TPR: variants seen among roughly 807,000 people sequenced by gnomAD.
TPR encodes the protein nucleoprotein TPR.
Under a neutral mutation model 316.1 loss-of-function variants are expected in TPR, and 51 were observed. The ratio of observed to expected loss-of-function variants is 0.16; its 90% CI spans 0.13 to 0.20. The LOEUF (loss-of-function observed/expected upper bound fraction) is 0.20. Ranked by LOEUF, TPR falls within the 10% of genes least tolerant of loss-of-function variation. TPR has a pLI of 1.00. For synonymous variants in TPR, 981 were observed against 914.7 expected, an observed-to-expected ratio of 1.07 and a Z score of -1.31; for missense variants, 2,272 against 2,754.8, an observed-to-expected ratio of 0.82 and a Z score of 3.92.
At chr1:186,354,303 A>C (rs1658957902) in intron 17 of TPR, among the ~76,000 whole-genome samples, 1 of 152,224 alleles carries the variant, frequency 6.6e-6, no homozygotes, top group East Asian at 1.9e-4. Context: ...ATTTTTAAAA[A>C]ATCAATTATA....
chr1:186,320,184 A>G, intron 46 of TPR, 128 bp downstream of exon 46: 1 of 818,322 alleles, frequency 1.2e-6, no homozygotes, highest in African/African-American at 1.7e-5. Flanking sequence ...ATTTAAAAAA[A>G]TAAATTAGCA....
chr1:186,356,854 G>A (rs976946111), intron 14 of TPR, among the ~76,000 whole-genome samples: 4 of 152,044 alleles, frequency 2.6e-5, no homozygotes, highest in African/African-American at 4.8e-5. Flanking sequence ...GTCCTCTACC[G>A]CTATGATCCC....
At chr1:186,322,936 T>C (rs955764870) in intron 43 of TPR, among the ~76,000 whole-genome samples, 3 of 152,246 alleles carry the variant, frequency 2.0e-5, no homozygotes, top group Non-Finnish European at 4.4e-5. Context: ...AACAGCAGTA[T>C]TGTTTTTTAA....
At position 186,326,295 on chromosome 1, in the gene TPR, T is replaced by C. The variant is rs932428499; in HGVS notation, c.5890-60A>G. 1.6e-5 allele frequency: 25 copies of C among 1,545,030 alleles called. No homozygotes were observed. The African/African-American group carries it at 3.2e-4, about 20-fold the overall frequency. The stretch of plus-strand genomic sequence containing the variant: ...TAGAATATGGCCCACATGCTCTGCA[T>C]GTCTAGATACCACACTTAGAAATTT... On this transcript the variant is annotated intron_variant, in intron 40 of 50. Transcript: ENST00000367478.
chr1:186,353,140 A>C (rs1571627139), intron 18 of TPR, among the ~76,000 whole-genome samples: 1 of 152,328 alleles, frequency 6.6e-6, no homozygotes, highest in East Asian at 1.9e-4. Flanking sequence ...TGGGAGGCTA[A>C]GGCGGGCAAA....
intron 2 of TPR, 81 bp from the exon 3 acceptor site, chr1:186,371,124 C>A (rs1031104293): frequency 8.7e-6 from 9 of 1,038,894 alleles, no homozygotes; most frequent in South Asian, 1.4e-5. Flanking sequence ...GCCAACCTTA[C>A]ATATTTTAAT....
intron 36 of TPR, among the ~76,000 whole-genome samples, chr1:186,334,009 A>G (rs1271739281): frequency 6.6e-6 from 1 of 152,184 alleles, no homozygotes; most frequent in Non-Finnish European, 1.5e-5. Flanking sequence ...ACAAAGTTGT[A>G]ATTGCTGTAA....
intron 29 of TPR, among the ~76,000 whole-genome samples, chr1:186,340,749 G>A (rs1371876425): frequency 6.6e-6 from 1 of 151,846 alleles, no homozygotes; most frequent in Non-Finnish European, 1.5e-5. Context: ...CTATTTTCAT[G>A]TATAAAAATA....
At position 186,337,481 on chromosome 1, in the gene TPR, C is replaced by T. The variant is rs112053545; in HGVS notation, c.4363-325G>A. ...ATATAATATTATTTCTTTGGAAAAA[C>T]GTCGCTTACATGTATGAAAAGGGAT... On this transcript the variant is annotated intron_variant, in intron 31 of 50. Coordinates refer to ENST00000367478, the MANE Select transcript of TPR (RefSeq NM_003292.3). 5.3e-5 allele frequency among the ~76,000 whole-genome samples: 8 copies of T among 152,036 alleles called. 2 individuals carry two copies. The highest frequency in any genetic ancestry group is 1.9e-4 in the African/African-American group (8 of 41,468).
chr1:186,371,556 T>C (rs1179749350), intron 2 of TPR, among the ~76,000 whole-genome samples: 2 of 152,174 alleles, frequency 1.3e-5, no homozygotes, highest in African/African-American at 2.4e-5. Flanking sequence ...AATCTCTCAA[T>C]TGCCACTCAA....
chr1:186,339,782 C>A lies in TPR; in HGVS notation c.4021-10G>T. 6.4e-7 allele frequency: 1 copy of A among 1,554,100 alleles called. No individual in the cohort carries two copies. Among genetic ancestry groups the A allele is most frequent in the Non-Finnish European group, 8.7e-7 (1 of 1,156,050 alleles). On this transcript the variant is annotated splice_polypyrimidine_tract_variant and intron_variant, in intron 29 of 50. Transcript: ENST00000367478. ...GTTGACTTACTAGATGCTAGAATAACAAAAATGCATACTTGATTTTTTTAG... is the reference window on the plus strand; with the variant it reads ...GTTGACTTACTAGATGCTAGAATAAAAAAAATGCATACTTGATTTTTTTAG...
chr1:186,357,078 C>T (rs6689129), intron 14 of TPR, among the ~76,000 whole-genome samples: 28,443 of 151,956 alleles, frequency 0.19, 3,023 homozygotes, highest in African/African-American at 0.29. Context: ...CAGGGTCTTA[C>T]CCTGTCGTCC....
rs1402863625 is a variant in TPR at position 186,363,349 on chromosome 1, G to C, written c.524C>G (p.Ser175Cys). 6.2e-7 allele frequency: 1 copy of C among 1,611,018 alleles called. No homozygotes were observed. The highest frequency in any genetic ancestry group is 8.5e-7 in the Non-Finnish European group (1 of 1,177,826). ...GAATCATCTGGTACTTGCCTTAACA[G>C]AAACATCAGAAGCTTGAAGTTCATC... ...KLDELQASDV[S>C]VKYREKRLEQ... Residue 175 changes from serine to cysteine, a missense_variant, in exon 5 of 51, where the codon TCT becomes TGT. Transcript: ENST00000367478.
Position 186,312,663 on chromosome 1 carries a change from T to C in TPR, c.*1308A>G. On this transcript the variant is annotated 3_prime_UTR_variant, in exon 51 of 51. Transcript: ENST00000367478. ...ACCAGTCTATAACCCTCAATAGTTC[T>C]ACATCAGAGGGCTAAAACTGAGATT... 8.3e-7 allele frequency: 1 copy of C among 1,209,184 alleles called. No individual in the cohort carries two copies. The highest frequency in any genetic ancestry group is 2.3e-5 in the East Asian group (1 of 42,918). The allele number at this position is 1,209,184 out of a possible 1,614,324, so 74.9% of individuals were successfully genotyped here.
In TPR at chr1:186,361,666, C is replaced by T. The variant is rs903481082; in HGVS notation, c.914G>A (p.Arg305Gln). 6.2e-6 allele frequency: 10 copies of T among 1,613,360 alleles called. No homozygotes were observed. Among genetic ancestry groups the T allele is most frequent in the Admixed American group, 1.7e-5 (1 of 59,976 alleles). Residue 305 changes from arginine (R) to glutamine (Q), a missense_variant, in exon 9 of 51, where the codon CGG becomes CAG. By Grantham distance (43) the Arg-to-Gln change is conservative. Coordinates refer to ENST00000367478, the MANE Select transcript of TPR (RefSeq NM_003292.3). ...DSEAKSNELTRAVEELHKLLK... is the reference protein window; with the variant it reads ...DSEAKSNELTQAVEELHKLLK... ...AAGTTTGTGTAGTTCCTCTACTGCC[C>T]GGGTTAGTTCATTGCTCTTTGCTTC...
chr1:186,348,938 T>A (rs571426364), intron 21 of TPR, among the ~76,000 whole-genome samples: 1 of 152,206 alleles, frequency 6.6e-6, no homozygotes, highest in East Asian at 1.9e-4. Context: ...TAGATAATTA[T>A]ACACCCATTA....
In TPR at chr1:186,360,769, A is replaced by C; in HGVS notation, c.1095T>G (p.Arg365=). 6.2e-7 allele frequency: 1 copy of C among 1,612,794 alleles called. No homozygotes were observed. The change falls in exon 10 of 51, where the codon CGT becomes CGG. Residue 365 remains arginine, a synonymous_variant. Transcript: ENST00000367478. ...ACAAGCATCTATTAGCCATACCTTT[A>C]CGTTTTGTGGCAGAAAGAAGGTCAT... The part of the protein sequence containing the change: ...NANDLLSATK[R]KGAILSEEEL...
chr1:186,348,312 C>T (rs1658745708), intron 21 of TPR, among the ~76,000 whole-genome samples: 1 of 152,012 alleles, frequency 6.6e-6, no homozygotes, highest in Non-Finnish European at 1.5e-5. Context: ...TGAGATAAGC[C>T]CTGGTCTCCT....
intron 22 of TPR, 69 bp from the exon 23 acceptor site, chr1:186,346,356 A>G: frequency 7.0e-7 from 1 of 1,418,640 alleles, no homozygotes; most frequent in Non-Finnish European, 9.4e-7. Context: ...TATTTTCTCC[A>G]AATCAAAACT....
Sources: allele counts gnomAD v4.1 joint callset (sites outside exome capture counted in the v4.1 genomes callset), GRCh38; gene constraint gnomAD v4.1.1; transcripts MANE v1.5; gene names NCBI Gene and HGNC (gene_info 2026-07-23, HGNC 2026-07-21).